SLCO1B3: variants seen among roughly 807,000 people sequenced by gnomAD.
SLCO1B3 encodes liver-specific organic anion transporter 2.
In SLCO1B3, 72 loss-of-function variants were observed where a neutral mutation model predicts 71.8. The observed-to-expected ratio is 1.00, with a 90% CI of 0.83 to 1.22. The LOEUF is 1.22. SLCO1B3 is among the 50% of genes most tolerant of loss of function. The probability of loss-of-function intolerance (pLI) is 0.00; values close to 1 mark genes in which losing one functional copy is unlikely to be tolerated. For synonymous variants in SLCO1B3, 298 were observed against 278.4 expected (o/e 1.07, Z -0.70); for missense variants, 911 against 819.7 (o/e 1.11, Z -1.36).
At chr12:20,836,167 G>T (rs540555630) in intron 3 of SLCO1B3, among the ~76,000 whole-genome samples, 1 of 152,238 alleles carries the variant, frequency 6.6e-6, no homozygotes, top group East Asian at 1.9e-4. Context: ...CTCCCACTGG[G>T]TCCCTTCCAT....
chr12:20,853,493 CTA>C (rs781464426), intron 3 of SLCO1B3, among the ~76,000 whole-genome samples: 2 of 151,920 alleles, frequency 1.3e-5, no homozygotes, highest in Admixed American at 6.6e-5. Flanking sequence ...TTCATTTATT[CTA>C]TGTTTTCCAG....
intron 14 of SLCO1B3, 47 bp from the exon 15 acceptor site, chr12:20,901,303 T>C: frequency 8.6e-7 from 1 of 1,156,792 alleles, no homozygotes; most frequent in Non-Finnish European, 1.3e-6. Context: ...CTCAGTTACA[T>C]TTGAAGCATT....
At chr12:20,834,480 TTATAA>T (rs67034977) in intron 3 of SLCO1B3, among the ~76,000 whole-genome samples, 14,868 of 147,162 alleles carry the variant, frequency 0.1, 999 homozygotes, top group Middle Eastern at 0.18. Flanking sequence ...TGTATATATA[TTATAA>T]TATATATTAT....
At position 20,815,464 on chromosome 12, in the gene SLCO1B3, A is replaced by G. The variant is rs556403691; in HGVS notation, c.-65-210A>G. Reference sequence around the variant, plus strand: ...TTCTCTCTATGAAAATTATTTTTCTAAGCAAATTATAATCTCTTTAGGCTA... The same window carrying G: ...TTCTCTCTATGAAAATTATTTTTCTGAGCAAATTATAATCTCTTTAGGCTA... On this transcript the variant is annotated intron_variant, in intron 2 of 15. Coordinates refer to ENST00000381545, the MANE Select transcript of SLCO1B3 (RefSeq NM_019844.4). 9.2e-5 allele frequency among the ~76,000 whole-genome samples: 14 copies of G among 152,234 alleles called. No homozygotes were observed. In the South Asian group the frequency reaches 2.3e-3, roughly 25 times the overall value.
At chr12:20,885,893 A>G (rs1865784332) in intron 13 of SLCO1B3, among the ~76,000 whole-genome samples, 1 of 152,032 alleles carries the variant, frequency 6.6e-6, no homozygotes, top group African/African-American at 2.4e-5. Flanking sequence ...GGCTTACCTG[A>G]GAAGATCACT....
intron 3 of SLCO1B3, among the ~76,000 whole-genome samples, chr12:20,834,480 T>C (rs1204503505): frequency 1.4e-5 from 2 of 147,214 alleles, no homozygotes; most frequent in Non-Finnish European, 3.0e-5. Flanking sequence ...TGTATATATA[T>C]TATAATATAT....
In SLCO1B3 at chr12:20,877,766, C is replaced by G. The variant is rs367817725; in HGVS notation, c.971-6C>G. The G allele has an allele frequency of 2.3e-6, 3 of 1,329,918 alleles. No homozygotes were observed. The African/African-American group carries it at 4.6e-5, about 20-fold the overall frequency. 82.4% of individuals were successfully genotyped at this position (1,329,918 alleles called of 1,614,324 possible). ...ATTGAAATATGTTATTTTTATAACT[C>G]TATAGGTTTTTTCCAGTCTTTGAAA... On this transcript the variant is annotated splice_polypyrimidine_tract_variant and splice_region_variant and intron_variant, in intron 9 of 15. Transcript: ENST00000381545.
In SLCO1B3 at chr12:20,842,652, AC is replaced by A. The variant is rs1355167369; in HGVS notation, c.85-12375del. ...TTTAAACTAGCAATTTTGTCCACTT[AC>A]GTTTATTGTATTTTATATAGTCAGA... is the stretch of plus-strand genomic sequence containing the variant. On this transcript the variant is annotated intron_variant, in intron 3 of 15. Coordinates refer to ENST00000381545, the MANE Select transcript of SLCO1B3 (RefSeq NM_019844.4). Among the ~76,000 whole-genome samples the A allele has an allele frequency of 1.4e-3, 210 of 152,256 alleles. 1 individual carries two copies. The highest frequency in any genetic ancestry group is 4.9e-3 in the African/African-American group (203 of 41,556).
intron 11 of SLCO1B3, among the ~76,000 whole-genome samples, chr12:20,880,179 A>T (rs1349919780): frequency 6.6e-6 from 1 of 151,356 alleles, no homozygotes; most frequent in Non-Finnish European, 1.5e-5. Context: ...AATTTTAGTC[A>T]TAATATAAAA....
At chr12:20,822,890 T>C (rs1268630920) in intron 3 of SLCO1B3, among the ~76,000 whole-genome samples, 1 of 152,180 alleles carries the variant, frequency 6.6e-6, no homozygotes, top group African/African-American at 2.4e-5. Flanking sequence ...TATTTTCCTT[T>C]CATACCCCTG....
intron 15 of SLCO1B3, among the ~76,000 whole-genome samples, chr12:20,907,407 T>TTTCCTTCC (rs1866268735): frequency 1.4e-5 from 2 of 139,950 alleles, no homozygotes; most frequent in Non-Finnish European, 3.1e-5. Context: ...CCCTTCCTTC[T>TTTCCTTCC]TTCCTTCCTT....
At chr12:20,812,210 T>A (rs183429555) in intron 1 of SLCO1B3, among the ~76,000 whole-genome samples, 1 of 152,218 alleles carries the variant, frequency 6.6e-6, no homozygotes, top group Admixed American at 6.5e-5. Flanking sequence ...CCCGGCCTAC[T>A]TGATACAATT....
At chr12:20,830,067 G>C (rs1049697694) in intron 3 of SLCO1B3, among the ~76,000 whole-genome samples, 2 of 152,156 alleles carry the variant, frequency 1.3e-5, no homozygotes, top group Non-Finnish European at 2.9e-5. Flanking sequence ...CTGCAGCCCA[G>C]TAGGTTTCAG....
Position 20,858,465 on chromosome 12 carries a change from A to C in SLCO1B3, c.253A>C (p.Ser85Arg). The C allele has an allele frequency of 6.3e-7, 1 of 1,591,872 alleles. No individual in the cohort carries two copies. The highest frequency in any genetic ancestry group is 8.6e-7 in the Non-Finnish European group (1 of 1,160,128). ...IGNLLVIVFVSYFGSKLHRPK... is the reference protein window; with the variant it reads ...IGNLLVIVFVRYFGSKLHRPK... Reference sequence around the variant, plus strand: ...AAATTTGCTTGTGATTGTATTTGTAAGTTACTTTGGATCTAAACTACACAG... The same window carrying C: ...AAATTTGCTTGTGATTGTATTTGTACGTTACTTTGGATCTAAACTACACAG... Residue 85 changes from serine (S) to arginine (R), a missense_variant, in exon 5 of 16, where the codon AGT becomes CGT. Physicochemically the swap from Ser to Arg is moderately radical, Grantham distance 110. Transcript: ENST00000381545.
chr12:20,815,533 T>C, intron 2 of SLCO1B3, 141 bp from the exon 3 acceptor site: 1 of 450,792 alleles, frequency 2.2e-6, no homozygotes, highest in Non-Finnish European at 3.9e-6. Context: ...AGCATTGACC[T>C]AGTCCTGTGG....
chr12:20,860,288 C>T (rs764263145), intron 5 of SLCO1B3, among the ~76,000 whole-genome samples: 3 of 152,080 alleles, frequency 2.0e-5, no homozygotes, highest in Admixed American at 6.5e-5. Flanking sequence ...TGTGTGACAA[C>T]CCAGGACCTT....
rs190931320 is a variant in SLCO1B3 at position 20,821,114 on chromosome 12, G to A, written c.84+5292G>A. Among the ~76,000 whole-genome samples the A allele has an allele frequency of 6.6e-5, 10 of 152,258 alleles. No individual in the cohort carries two copies. The East Asian group carries it at 1.7e-3, about 27-fold the overall frequency. On this transcript the variant is annotated intron_variant, in intron 3 of 15. Coordinates refer to ENST00000381545, the MANE Select transcript of SLCO1B3 (RefSeq NM_019844.4). ...TTAGAAAGACTCAGCGACGCTTGGG[G>A]TTGGGCCTGAGGGGACAGGCGGGAG... is the stretch of plus-strand genomic sequence containing the variant.
chr12:20,845,768 T>G (rs561131028), intron 3 of SLCO1B3, among the ~76,000 whole-genome samples: 28 of 152,294 alleles, frequency 1.8e-4, no homozygotes, highest in Admixed American at 6.5e-4. Context: ...GTACATTGTT[T>G]TTGTTGACTT....
chr12:20,817,239 C>T (rs1302124710), intron 3 of SLCO1B3, among the ~76,000 whole-genome samples: 1 of 152,084 alleles, frequency 6.6e-6, no homozygotes, highest in Non-Finnish European at 1.5e-5. Flanking sequence ...CTTTGGTTGC[C>T]TGTGTTTCTG....
Sources: gnomAD v4.1 joint callset for allele counts (sites outside exome capture counted in the v4.1 genomes callset) on GRCh38, gnomAD v4.1.1 for gene constraint, MANE v1.5 for transcripts, NCBI Gene and HGNC (gene_info 2026-07-23, HGNC 2026-07-21) for gene names.